Variants in TAF2 observed in about 807,000 individuals in gnomAD.
The protein encoded by TAF2 is transcription initiation factor TFIID subunit 2.
A neutral mutation model predicts 138.5 loss-of-function variants in TAF2; 61 were observed. That is an observed-to-expected ratio of 0.44 (90% CI 0.36 to 0.54). The LOEUF (loss-of-function observed/expected upper bound fraction) is 0.54. Ranked by LOEUF, TAF2 falls within the 20% of genes least tolerant of loss-of-function variation. The probability of loss-of-function intolerance (pLI) is 0.00; values close to 1 mark genes in which losing one functional copy is unlikely to be tolerated. For missense variants in TAF2, 1,090 were observed against 1,427.9 expected, an observed-to-expected ratio of 0.76 and a Z score of 3.81; for synonymous variants, 475 against 469.9, an observed-to-expected ratio of 1.01 and a Z score of -0.14.
At chr8:119,762,351 C>A (rs984127306) in intron 19 of TAF2, 64 bp downstream of exon 19, 3 of 1,503,670 alleles carry the variant, frequency 2.0e-6, no homozygotes, top group African/African-American at 2.8e-5. Flanking sequence ...TTTTCTATAA[C>A]AAAAATAAAT....
At chr8:119,789,807 A>G in intron 11 of TAF2, 61 bp from the exon 12 acceptor site, 2 of 1,486,504 alleles carry the variant, frequency 1.3e-6, no homozygotes, top group East Asian at 2.4e-5. Context: ...TATATAGAAT[A>G]CTCACTTTGC....
Position 119,803,959 on chromosome 8 carries a change from T to C in TAF2, c.479A>G (p.His160Arg), listed in dbSNP as rs757423725. ...TCCCTCTACACTGGGTACCACAAAA[T>C]GAAGACCTCCTTTGGGCTGATCCAA... ...FSLDQPKGGL[H>R]FVVPSVEGSM... is the part of the protein sequence containing the mutation. The change falls in exon 5 of 26, where the codon CAT becomes CGT. Residue 160 changes from histidine (H) to arginine (R), a missense_variant. By Grantham distance (29) the His-to-Arg change is conservative. Transcript: ENST00000378164. The C allele has an allele frequency of 1.1e-5, 18 of 1,614,086 alleles. No homozygotes were observed. The highest frequency in any genetic ancestry group is 1.5e-5 in the Non-Finnish European group (18 of 1,179,998).
intron 22 of TAF2, among the ~76,000 whole-genome samples, chr8:119,755,731 A>G (rs1251465679): frequency 2.0e-5 from 3 of 152,242 alleles, no homozygotes; most frequent in African/African-American, 7.2e-5. Flanking sequence ...AATAATAATA[A>G]TACTTTGCAG....
Position 119,797,798 on chromosome 8 carries a change from T to C in TAF2, c.841A>G (p.Thr281Ala), listed in dbSNP as rs749241733. Residue 281 changes from threonine (T) to alanine (A), a missense_variant, in exon 7 of 26, where the codon ACA becomes GCA. Coordinates refer to ENST00000378164, the MANE Select transcript of TAF2 (RefSeq NM_003184.4). ...TCAAAGACTTCATGAAGGTATGATG[T>C]GGTATGTTTCAGCAATGGAAGAAGT... ...PQLLPLLKHT[T>A]SYLHEVFEFY... 3 of 1,613,502 alleles carry C rather than the reference T, an allele frequency of 1.9e-6. No homozygotes were observed. The highest frequency in any genetic ancestry group is 1.1e-5 in the South Asian group (1 of 91,048).
intron 25 of TAF2, among the ~76,000 whole-genome samples, chr8:119,736,054 C>T (rs1819204091): frequency 6.6e-6 from 1 of 152,214 alleles, no homozygotes; most frequent in Admixed American, 6.5e-5. Context: ...TAAACACCTA[C>T]CAAACTACTT....
At chr8:119,736,382 A>C (rs952079511) in intron 25 of TAF2, among the ~76,000 whole-genome samples, 2 of 152,234 alleles carry the variant, frequency 1.3e-5, no homozygotes, top group Non-Finnish European at 2.9e-5. Context: ...CAGAATATTT[A>C]CAAGATGAGC....
At chr8:119,760,193 A>G (rs1219068349) in intron 20 of TAF2, among the ~76,000 whole-genome samples, 3 of 151,918 alleles carry the variant, frequency 2.0e-5, no homozygotes, top group African/African-American at 4.8e-5. Context: ...TGTTTTTTCT[A>G]TATTCATGAT....
chr8:119,827,809 T>C (rs768669857), intron 2 of TAF2, among the ~76,000 whole-genome samples: 40 of 151,604 alleles, frequency 2.6e-4, no homozygotes, highest in East Asian at 7.8e-4. Flanking sequence ...AGTGGCATGA[T>C]CTCGGCTCAC....
intron 6 of TAF2, among the ~76,000 whole-genome samples, chr8:119,799,029 G>T (rs559481556): frequency 6.6e-6 from 1 of 152,130 alleles, no homozygotes; most frequent in East Asian, 1.9e-4. Context: ...ACACAGAGAA[G>T]ACTAAGTCAG....
intron 2 of TAF2, among the ~76,000 whole-genome samples, chr8:119,821,524 G>T (rs149131486): frequency 6.6e-6 from 1 of 152,122 alleles, no homozygotes; most frequent in African/African-American, 2.4e-5. Context: ...TAGTTTCCAC[G>T]ACTACTTCTG....
intron 2 of TAF2, among the ~76,000 whole-genome samples, chr8:119,823,572 T>A (rs1426056784): frequency 3.9e-5 from 6 of 152,196 alleles, no homozygotes; most frequent in Non-Finnish European, 5.9e-5. Flanking sequence ...CGTGGAACTG[T>A]AAGATCCCCA....
Position 119,742,595 on chromosome 8 carries a change from G to C in TAF2, c.3276C>G (p.Gly1092=). ...GTTTTGTGGTGGGTGTGCTGTCACA[G>C]CCTGCTGAGTGCTGGGGTATTAAAG... ...RSALIPQHSA[G]CDSTPTTKPQ... Residue 1092 remains glycine, a synonymous_variant, in exon 25 of 26, where the codon GGC becomes GGG. Coordinates refer to ENST00000378164, the MANE Select transcript of TAF2 (RefSeq NM_003184.4). 3.1e-6 allele frequency: 5 copies of C among 1,613,964 alleles called. No homozygotes were observed. The highest frequency in any genetic ancestry group is 3.4e-6 in the Non-Finnish European group (4 of 1,179,972).
intron 10 of TAF2, 80 bp downstream of exon 10, chr8:119,793,286 A>G: frequency 8.2e-7 from 1 of 1,221,760 alleles, no homozygotes; most frequent in Non-Finnish European, 1.2e-6. Context: ...AGGTACAATG[A>G]AATACTATTT....
At chr8:119,753,410 T>G (rs944544490) in intron 22 of TAF2, among the ~76,000 whole-genome samples, 1 of 152,250 alleles carries the variant, frequency 6.6e-6, no homozygotes, top group South Asian at 2.1e-4. Flanking sequence ...GACAATACTC[T>G]GTAGTCCATC....
chr8:119,799,102 AT>A (rs1371658132), intron 6 of TAF2, among the ~76,000 whole-genome samples: 1 of 152,136 alleles, frequency 6.6e-6, no homozygotes, highest in African/African-American at 2.4e-5. Context: ...TAGAAAAAAA[AT>A]TCTTCTTAAA....
chr8:119,812,737 G>A (rs1825167042), intron 3 of TAF2, among the ~76,000 whole-genome samples: 1 of 136,246 alleles, frequency 7.3e-6, no homozygotes, highest in South Asian at 2.3e-4. Context: ...GTGTGTGTGT[G>A]TGTGTGTGTG....
At chr8:119,733,734 C>T (rs766926632) in intron 25 of TAF2, among the ~76,000 whole-genome samples, 2 of 151,980 alleles carry the variant, frequency 1.3e-5, no homozygotes, top group Admixed American at 6.6e-5. Context: ...TCCAGAGATA[C>T]GTGGTTACCA....
At chr8:119,766,744 G>A (rs1586366297) in intron 18 of TAF2, among the ~76,000 whole-genome samples, 2 of 152,214 alleles carry the variant, frequency 1.3e-5, no homozygotes, top group South Asian at 4.2e-4. Flanking sequence ...TGAGGCAGGA[G>A]AATTGCTTGA....
At chr8:119,785,811 AAC>A (rs1230125804) in intron 14 of TAF2, among the ~76,000 whole-genome samples, 1 of 152,208 alleles carries the variant, frequency 6.6e-6, no homozygotes, top group Non-Finnish European at 1.5e-5. Flanking sequence ...TAAAAACAGG[AAC>A]AGAGAAAACT....
Sources: allele counts gnomAD v4.1 joint callset (sites outside exome capture counted in the v4.1 genomes callset), GRCh38; gene constraint gnomAD v4.1.1; transcripts MANE v1.5; gene names NCBI Gene and HGNC (gene_info 2026-07-23, HGNC 2026-07-21).